Variants in CRIM1 observed in about 807,000 individuals in gnomAD.
The protein encoded by CRIM1 is cysteine-rich motor neuron 1 protein.
A neutral mutation model predicts 116.4 loss-of-function variants in CRIM1; 32 were observed. That is an observed-to-expected ratio of 0.27 (90% CI 0.21 to 0.37). The LOEUF (loss-of-function observed/expected upper bound fraction) is 0.37, where lower values mean the gene tolerates loss of function less well. CRIM1 is among the 10% of genes least tolerant of loss of function. CRIM1 has a pLI of 1.00. For synonymous variants in CRIM1, 590 were observed against 509.2 expected (o/e 1.16, Z -2.13); for missense variants, 1,331 against 1,354.8 (o/e 0.98, Z 0.28).
intron 5 of CRIM1, among the ~76,000 whole-genome samples, chr2:36,467,108 A>G (rs1678105867): frequency 6.6e-6 from 1 of 152,158 alleles, no homozygotes; most frequent in Non-Finnish European, 1.5e-5. Context: ...GACTTCTGGA[A>G]TAGGATTTGC....
chr2:36,458,981 G>A (rs560759724), intron 4 of CRIM1, among the ~76,000 whole-genome samples: 6 of 152,266 alleles, frequency 3.9e-5, no homozygotes, highest in African/African-American at 1.4e-4. Context: ...TCACTTTTAA[G>A]CAATGGTATT....
At chr2:36,361,575 A>G (rs1170796972) in intron 1 of CRIM1, among the ~76,000 whole-genome samples, 1 of 152,180 alleles carries the variant, frequency 6.6e-6, no homozygotes, top group Non-Finnish European at 1.5e-5. Context: ...GGGAGAAGGG[A>G]AAATATTGAA....
chr2:36,371,254 C>T (rs1468679027), intron 1 of CRIM1, among the ~76,000 whole-genome samples: 1 of 152,088 alleles, frequency 6.6e-6, no homozygotes, highest in African/African-American at 2.4e-5. Context: ...AATGCCATCC[C>T]CCATCCCCCA....
intron 4 of CRIM1, among the ~76,000 whole-genome samples, chr2:36,453,493 T>TA (rs1181803060): frequency 2.0e-5 from 3 of 152,236 alleles, no homozygotes; most frequent in African/African-American, 7.2e-5. Context: ...TTCTCATCAG[T>TA]ACCTAGCACG....
At chr2:36,525,566 G>T (rs923082510) in intron 13 of CRIM1, among the ~76,000 whole-genome samples, 1 of 152,200 alleles carries the variant, frequency 6.6e-6, no homozygotes, top group Non-Finnish European at 1.5e-5. Context: ...TGTTTTTCCA[G>T]TGGGCACCAA....
chr2:36,450,162 G>T (rs1445220511), intron 4 of CRIM1, among the ~76,000 whole-genome samples: 1 of 152,132 alleles, frequency 6.6e-6, no homozygotes, highest in East Asian at 1.9e-4. Flanking sequence ...CTAATAGAAT[G>T]TCGATATCTC....
intron 8 of CRIM1, among the ~76,000 whole-genome samples, chr2:36,504,726 A>G (rs1681267030): frequency 6.6e-6 from 1 of 152,220 alleles, no homozygotes; most frequent in Admixed American, 6.5e-5. Flanking sequence ...TGTAGATACA[A>G]GCTTTTAACA....
chr2:36,361,791 G>A (rs1305126482), intron 1 of CRIM1, among the ~76,000 whole-genome samples: 1 of 152,140 alleles, frequency 6.6e-6, no homozygotes, highest in African/African-American at 2.4e-5. Context: ...TTAGTGAAGC[G>A]GGTTCCTGTA....
intron 7 of CRIM1, among the ~76,000 whole-genome samples, chr2:36,488,109 A>G (rs933968754): frequency 1.3e-5 from 2 of 152,250 alleles, no homozygotes; most frequent in Non-Finnish European, 2.9e-5. Context: ...ATTGCTTAAT[A>G]TATGAGGGTT....
intron 1 of CRIM1, among the ~76,000 whole-genome samples, chr2:36,365,703 T>C (rs1363083734): frequency 1.3e-5 from 2 of 152,122 alleles, no homozygotes; most frequent in Admixed American, 6.5e-5. Context: ...TATGGTCCCA[T>C]TTTAGGAGAA....
At chr2:36,499,398 T>A (rs1241168334) in intron 8 of CRIM1, 51 bp downstream of exon 8, 4 of 1,541,892 alleles carry the variant, frequency 2.6e-6, no homozygotes, top group South Asian at 1.1e-5. Flanking sequence ...TATGATATTG[T>A]CAAAGCATAT....
chr2:36,455,095 A>T (rs141622660), intron 4 of CRIM1, among the ~76,000 whole-genome samples: 1 of 152,150 alleles, frequency 6.6e-6, no homozygotes, highest in African/African-American at 2.4e-5. Flanking sequence ...GTGGTAGAGC[A>T]TGGGCCAGGG....
intron 1 of CRIM1, among the ~76,000 whole-genome samples, chr2:36,392,615 A>G (rs139301628): frequency 5.9e-4 from 90 of 152,328 alleles, no homozygotes; most frequent in African/African-American, 2.0e-3. Context: ...TTTGATTTCC[A>G]TAATCCAACC....
At chr2:36,536,913 G>A (rs554507314) in intron 13 of CRIM1, among the ~76,000 whole-genome samples, 2 of 152,206 alleles carry the variant, frequency 1.3e-5, no homozygotes, top group South Asian at 4.2e-4. Flanking sequence ...GGTTATCTCG[G>A]TGCTGACTCC....
chr2:36,479,725 G>A, intron 7 of CRIM1, 31 bp downstream of exon 7: 1 of 1,595,836 alleles, frequency 6.3e-7, no homozygotes, highest in Non-Finnish European at 8.6e-7. Context: ...TGAGTCCCTG[G>A]TGAATGTCTT....
At chr2:36,384,469 T>C (rs1286688251) in intron 1 of CRIM1, among the ~76,000 whole-genome samples, 2 of 152,154 alleles carry the variant, frequency 1.3e-5, no homozygotes, top group Non-Finnish European at 2.9e-5. Flanking sequence ...GTCTGTTAGG[T>C]ATAGAGGTAA....
chr2:36,433,096 G>A (rs1401393984), intron 2 of CRIM1, among the ~76,000 whole-genome samples: 2 of 152,240 alleles, frequency 1.3e-5, no homozygotes, highest in Non-Finnish European at 2.9e-5. Context: ...CGATGCTGCT[G>A]GTGCAAGGAT....
At chr2:36,363,385 A>G (rs376183046) in intron 1 of CRIM1, among the ~76,000 whole-genome samples, 19 of 152,158 alleles carry the variant, frequency 1.2e-4, no homozygotes, top group African/African-American at 4.6e-4. Flanking sequence ...AAGGCTACTA[A>G]CCAGTATAAG....
intron 13 of CRIM1, 78 bp downstream of exon 13, chr2:36,522,391 AT>A: frequency 8.5e-7 from 1 of 1,175,520 alleles, no homozygotes; most frequent in Non-Finnish European, 1.3e-6. Flanking sequence ...TGCTAGATCA[AT>A]TAATATTTTT....
Sources: gnomAD v4.1 joint callset for allele counts (sites outside exome capture counted in the v4.1 genomes callset) on GRCh38, gnomAD v4.1.1 for gene constraint, MANE v1.5 for transcripts, NCBI Gene and HGNC (gene_info 2026-07-23, HGNC 2026-07-21) for gene names.